ATP8B1: variants seen among roughly 807,000 people sequenced by gnomAD.
ATP8B1 encodes phospholipid-transporting ATPase IC.
In ATP8B1, 80 loss-of-function variants were observed where a neutral mutation model predicts 149.9. That is an observed-to-expected ratio of 0.53 (90% confidence interval 0.45 to 0.64). The LOEUF (loss-of-function observed/expected upper bound fraction) is 0.64. ATP8B1 is among the 30% of genes least tolerant of loss of function. The pLI, the probability that ATP8B1 is intolerant of heterozygous loss-of-function variation, is 0.00. For synonymous variants in ATP8B1, 536 were observed against 562.8 expected (o/e 0.95, Z 0.67); for missense variants, 1,247 against 1,552.6 (o/e 0.80, Z 3.31).
chr18:57,771,042 T>C (rs558401160), intron 1 of ATP8B1, among the ~76,000 whole-genome samples: 2 of 152,342 alleles, frequency 1.3e-5, no homozygotes, highest in South Asian at 4.1e-4. Context: ...TTTGTATTTT[T>C]AGTAGAGACA....
At position 57,736,485 on chromosome 18, in the gene ATP8B1, G is replaced by A. The variant is rs71355659; in HGVS notation, c.-25-4653C>T. On this transcript the variant is annotated intron_variant, in intron 1 of 27. Transcript: ENST00000648908. ...TTTTTTTTTTTTTTTTTTGAGAGAA[G>A]GGTTTCACTCTGTCACTCAGGCTAG... Among the ~76,000 whole-genome samples, 455 of 130,744 alleles carry A rather than the reference G, an allele frequency of 3.5e-3. 2 individuals are homozygous for A. The highest frequency in any genetic ancestry group is 0.024 in the Middle Eastern group (5 of 212). 85.8% of individuals were successfully genotyped at this position (130,744 alleles called of 152,430 possible).
chr18:57,731,968 A>C, intron 1 of ATP8B1, 136 bp from the exon 2 acceptor site: 1 of 835,646 alleles, frequency 1.2e-6, no homozygotes, highest in Non-Finnish European at 2.0e-6. Context: ...GTACCCCCAA[A>C]TTCAACTTGA....
At chr18:57,729,041 C>A (rs2079734827) in intron 2 of ATP8B1, among the ~76,000 whole-genome samples, 2 of 151,748 alleles carry the variant, frequency 1.3e-5, no homozygotes. Context: ...CTTTTAATGC[C>A]CATATACCGA....
intron 14 of ATP8B1, among the ~76,000 whole-genome samples, chr18:57,684,411 C>G (rs1296261813): frequency 6.6e-6 from 1 of 151,786 alleles, no homozygotes. Flanking sequence ...GGGTCTCACT[C>G]TGTCACCCGG....
At chr18:57,736,453 GTTTTTTTTT>G (rs71171079) in intron 1 of ATP8B1, among the ~76,000 whole-genome samples, 1 of 70,142 alleles carries the variant, frequency 1.4e-5, no homozygotes, top group Admixed American at 2.0e-4. Flanking sequence ...AGTTTTACTA[GTTTTTTTTT>G]TTTTTTTTTT....
intron 1 of ATP8B1, among the ~76,000 whole-genome samples, chr18:57,763,105 T>C (rs932118385): frequency 6.6e-6 from 1 of 152,188 alleles, no homozygotes; most frequent in African/African-American, 2.4e-5. Context: ...TAAAAAATTG[T>C]ACTCTAGGCC....
chr18:57,650,037 C>A (rs975138868), intron 27 of ATP8B1, among the ~76,000 whole-genome samples: 6 of 151,958 alleles, frequency 3.9e-5, no homozygotes, highest in African/African-American at 1.2e-4. Context: ...CAGAAGGTGA[C>A]ATTTTTCTTA....
At chr18:57,682,396 C>G (rs1254993243) in intron 15 of ATP8B1, among the ~76,000 whole-genome samples, 1 of 152,198 alleles carries the variant, frequency 6.6e-6, no homozygotes, top group East Asian at 1.9e-4. Flanking sequence ...TGACTCATCT[C>G]TAGCATGTAG....
Position 57,649,744 on chromosome 18 carries a change from G to A in ATP8B1, c.3531+623C>T, listed in dbSNP as rs566022423. Among the ~76,000 whole-genome samples, 548 of 152,176 alleles carry A rather than the reference G, an allele frequency of 3.6e-3. 6 individuals are homozygous for A. Among genetic ancestry groups the A allele is most frequent in the African/African-American group, 0.012 (518 of 41,508 alleles). ...GGGGCCCTTGGGTGAGAAGTTCCAC[G>A]GCCCCTAAGGAGCTACAGAATAGGC... is the stretch of plus-strand genomic sequence containing the variant. On this transcript the variant is annotated intron_variant, in intron 27 of 27. Transcript: ENST00000648908.
rs752123059 is a variant in ATP8B1, at chr18:57,695,540, A to G, written c.699-8T>C. The G allele has an allele frequency of 1.9e-6, 3 of 1,599,088 alleles. No individual in the cohort carries two copies. Among genetic ancestry groups the G allele is most frequent in the Non-Finnish European group, 2.6e-6 (3 of 1,166,890 alleles). ...AATTTTAAATTGGTTTCTCTAAAGG[A>G]ATGGGGAAAAAATGAATTAAATGAA... On this transcript the variant is annotated splice_polypyrimidine_tract_variant and splice_region_variant and intron_variant, in intron 8 of 27. Transcript: ENST00000648908.
rs575322684 is a variant in ATP8B1, at chr18:57,705,420, A to G, written c.280-752T>C. Among the ~76,000 whole-genome samples, 21 of 152,348 alleles carry G rather than the reference A, an allele frequency of 1.4e-4. 1 individual carries two copies. In the South Asian group the frequency reaches 3.9e-3, roughly 29 times the overall value. ...TGTTCAGGTCTTAACACTAATATCT[A>G]TGAATGGGATCTTATTTGGAAATAG... On this transcript the variant is annotated intron_variant, in intron 3 of 27. Transcript: ENST00000648908.
rs553336077 is a variant in ATP8B1 at position 57,674,167 on chromosome 18, A to G, written c.1819+667T>C. The stretch of plus-strand genomic sequence containing the variant: ...AGGCTGAGGCAGGAGACTCGCTTGA[A>G]CCTGGGAGGCGGAGGTTGCAGTGAC... On this transcript the variant is annotated intron_variant, in intron 16 of 27. Coordinates refer to ENST00000648908, the MANE Select transcript of ATP8B1 (RefSeq NM_001374385.1). 3.6e-5 allele frequency among the ~76,000 whole-genome samples: 5 copies of G among 140,620 alleles called. No individual in the cohort carries two copies. In the South Asian group the frequency reaches 6.7e-4, roughly 19 times the overall value. The allele number at this position is 140,620 out of a possible 152,430, so 92.3% of individuals were successfully genotyped here.
intron 1 of ATP8B1, among the ~76,000 whole-genome samples, chr18:57,735,856 T>C (rs2079846639): frequency 6.6e-6 from 1 of 152,196 alleles, no homozygotes; most frequent in South Asian, 2.1e-4. Flanking sequence ...CATGCAGGTT[T>C]GTTACATAGG....
intron 12 of ATP8B1, 152 bp from the exon 13 acceptor site, chr18:57,688,659 C>A: frequency 2.5e-6 from 2 of 785,494 alleles, no homozygotes; most frequent in South Asian, 3.1e-5. Flanking sequence ...TATGTTGAAA[C>A]CCAATCCCCA....
intron 1 of ATP8B1, among the ~76,000 whole-genome samples, chr18:57,778,382 C>A (rs969029675): frequency 6.6e-6 from 1 of 151,898 alleles, no homozygotes; most frequent in Non-Finnish European, 1.5e-5. Flanking sequence ...CCCGCCGCTA[C>A]GCCCGGCTAA....
chr18:57,799,396 T>C (rs2080550413), intron 1 of ATP8B1, among the ~76,000 whole-genome samples: 1 of 152,230 alleles, frequency 6.6e-6, no homozygotes, highest in Admixed American at 6.5e-5. Context: ...AAGATTCAGA[T>C]GATAAAAAGT....
chr18:57,765,454 G>C (rs1188269342), intron 1 of ATP8B1, among the ~76,000 whole-genome samples: 1 of 152,112 alleles, frequency 6.6e-6, no homozygotes, highest in East Asian at 1.9e-4. Context: ...CGGATCACAA[G>C]GTCAGGAGTT....
chr18:57,672,657 G>A (rs1159613393), intron 16 of ATP8B1, among the ~76,000 whole-genome samples: 2 of 151,562 alleles, frequency 1.3e-5, no homozygotes, highest in East Asian at 1.9e-4. Flanking sequence ...ACCTGAGGTC[G>A]GCAGTTGGAG....
intron 1 of ATP8B1, among the ~76,000 whole-genome samples, chr18:57,764,419 C>CTCTTTCTCTCTT (rs1599211789): frequency 1.4e-5 from 2 of 145,316 alleles, no homozygotes; most frequent in African/African-American, 2.6e-5. Context: ...CTCTCTTTCT[C>CTCTTTCTCTCTT]TCTTTCTTTC....
Sources: allele counts gnomAD v4.1 joint callset (sites outside exome capture counted in the v4.1 genomes callset), GRCh38; gene constraint gnomAD v4.1.1; transcripts MANE v1.5; gene names NCBI Gene and HGNC (gene_info 2026-07-23, HGNC 2026-07-21).